Variants in EPM2A observed in about 807,000 individuals in gnomAD.
EPM2A encodes the protein laforin.
In EPM2A, 21 loss-of-function variants were observed where a neutral mutation model predicts 26.5. The observed-to-expected ratio is 0.79, with a 90% CI of 0.56 to 1.14. The LOEUF (loss-of-function observed/expected upper bound fraction) is 1.14, where lower values mean the gene tolerates loss of function less well. Ranked by LOEUF, EPM2A falls within the 50% of genes most tolerant of loss-of-function variation. The probability of loss-of-function intolerance (pLI) is 0.00; values close to 1 mark genes in which losing one functional copy is unlikely to be tolerated. For missense variants in EPM2A, 458 were observed against 440.8 expected (o/e 1.04, Z -0.35); for synonymous variants, 217 against 177.6 (o/e 1.22, Z -1.76).
At chr6:145,558,016 T>C (rs1333416810) in intron 2 of EPM2A, among the ~76,000 whole-genome samples, 2 of 152,136 alleles carry the variant, frequency 1.3e-5, no homozygotes, top group East Asian at 1.9e-4. Context: ...AGTGAGATCA[T>C]GCAGTATTTG....
chr6:145,399,514 C>A (rs1368638967), intron 4 of EPM2A, among the ~76,000 whole-genome samples: 1 of 152,112 alleles, frequency 6.6e-6, no homozygotes, highest in African/African-American at 2.4e-5. Flanking sequence ...TGTAGTAGTT[C>A]CTGGTTATGG....
At chr6:145,603,296 G>A (rs973422690) in intron 2 of EPM2A, among the ~76,000 whole-genome samples, 2 of 148,870 alleles carry the variant, frequency 1.3e-5, no homozygotes, top group African/African-American at 2.5e-5. Flanking sequence ...AAAAAAAACT[G>A]TTAAAGTAAA....
chr6:145,541,124 C>G (rs1375058516), intron 2 of EPM2A, among the ~76,000 whole-genome samples: 4 of 151,522 alleles, frequency 2.6e-5, no homozygotes, highest in African/African-American at 9.7e-5. Flanking sequence ...TGTATGAAAA[C>G]AGTTTAATCA....
At position 145,627,464 on chromosome 6, in the gene EPM2A, A is replaced by G. The variant is rs949836838; in HGVS notation, c.948T>C (p.Asp316=). 5 of 1,614,194 alleles carry G rather than the reference A, an allele frequency of 3.1e-6. No individual in the cohort carries two copies. Among genetic ancestry groups the G allele is most frequent in the South Asian group, 1.1e-5 (1 of 91,088 alleles). Residue 316 remains aspartate (D), a synonymous_variant, in exon 4 of 4, where the codon GAT becomes GAC. Coordinates refer to ENST00000367519, the MANE Select transcript of EPM2A (RefSeq NM_005670.4). ...GAACCTTCCCAAATTTCTGGAAAAA[A>G]TCTTCTTGTGCCCGGGCCAAGGCCT... ...DEEALARAQE[D]FFQKFGKVRS...
chr6:145,691,052 T>C (rs947896242), intron 1 of EPM2A, among the ~76,000 whole-genome samples: 2 of 151,220 alleles, frequency 1.3e-5, no homozygotes, highest in Admixed American at 1.3e-4. Flanking sequence ...ATTGGAGTCT[T>C]GGAAGAAGAG....
At chr6:145,555,874 C>T (rs1780722092) in intron 2 of EPM2A, among the ~76,000 whole-genome samples, 1 of 152,078 alleles carries the variant, frequency 6.6e-6, no homozygotes, top group South Asian at 2.1e-4. Flanking sequence ...TAAGTAGTTC[C>T]CTGACCTTTC....
rs140540200 is a variant in EPM2A, at chr6:145,626,308, A to G, written c.*1108T>C. ...TCTGGAGGCACAGGAACTGCATATT[A>G]TACTAAATTGAGAGCTGAGCCAGGA... On this transcript the variant is annotated 3_prime_UTR_variant, in exon 4 of 4. Transcript: ENST00000367519. 1.3e-3 allele frequency: 1,240 copies of G among 986,368 alleles called. 7 individuals carry two copies. In the Middle Eastern group the frequency reaches 0.018, roughly 14 times the overall value. 61.1% of individuals were successfully genotyped at this position (986,368 alleles called of 1,614,324 possible).
intron 4 of EPM2A, among the ~76,000 whole-genome samples, chr6:145,438,558 C>T (rs1779019277): frequency 6.8e-6 from 1 of 147,868 alleles, no homozygotes; most frequent in Non-Finnish European, 1.5e-5. Flanking sequence ...CCTGCAACCT[C>T]TGCCTCTGGA....
intron 4 of EPM2A, among the ~76,000 whole-genome samples, chr6:145,453,076 G>T (rs915261751): frequency 4.6e-5 from 7 of 152,092 alleles, no homozygotes; most frequent in Non-Finnish European, 8.8e-5. Context: ...TGTTAAAGTT[G>T]TTTTCCAAAG....
chr6:145,719,135 G>T (rs1409051768), intron 1 of EPM2A, among the ~76,000 whole-genome samples: 5 of 151,936 alleles, frequency 3.3e-5, no homozygotes, highest in Non-Finnish European at 7.4e-5. Flanking sequence ...TATACCCAAA[G>T]GATTATAAAT....
intron 1 of EPM2A, chr6:145,705,641 C>T (rs1461569553): frequency 2.2e-6 from 1 of 445,074 alleles, no homozygotes; most frequent in East Asian, 7.0e-5. Flanking sequence ...CTCTTGTTCA[C>T]ATTGTCATCA....
chr6:145,544,395 CT>C (rs2114797728), intron 2 of EPM2A, among the ~76,000 whole-genome samples: 1 of 152,310 alleles, frequency 6.6e-6, no homozygotes, highest in Non-Finnish European at 1.5e-5. Flanking sequence ...AAAAACCATG[CT>C]GCTCTCAGCT....
intron 2 of EPM2A, among the ~76,000 whole-genome samples, chr6:145,520,325 A>G (rs1034067386): frequency 3.9e-5 from 6 of 152,144 alleles, no homozygotes; most frequent in African/African-American, 1.4e-4. Context: ...AGACAATTTC[A>G]GCCTTCACCT....
chr6:145,523,039 G>T (rs1176659906), intron 2 of EPM2A, among the ~76,000 whole-genome samples: 1 of 152,096 alleles, frequency 6.6e-6, no homozygotes, highest in African/African-American at 2.4e-5. Flanking sequence ...TGTCACCAAA[G>T]CATCCTATTC....
At chr6:145,696,305 T>C (rs1212087411) in intron 1 of EPM2A, among the ~76,000 whole-genome samples, 2 of 152,022 alleles carry the variant, frequency 1.3e-5, no homozygotes, top group African/African-American at 4.8e-5. Flanking sequence ...TAACAATAAA[T>C]GCCTATATCA....
chr6:145,437,452 A>C (rs1200185788), intron 4 of EPM2A, among the ~76,000 whole-genome samples: 1 of 152,204 alleles, frequency 6.6e-6, no homozygotes, highest in Non-Finnish European at 1.5e-5. Flanking sequence ...TAGTAAAATA[A>C]ACTGACCAGT....
In EPM2A at chr6:145,433,832, GT is replaced by G. The variant is rs200624858; in HGVS notation, c.556-49736del. ...TACTGTGGTTTTGTTGCTTTAAACA[GT>G]GAATGTATATGTACATTTAACAAAA... On this transcript the variant is annotated intron_variant, in intron 4 of 4. Coordinates refer to the EPM2A transcript ENST00000638717. 6.6e-4 allele frequency among the ~76,000 whole-genome samples: 100 copies of G among 152,232 alleles called. No homozygotes were observed. The East Asian group carries it at 0.018, about 28-fold the overall frequency.
intron 4 of EPM2A, among the ~76,000 whole-genome samples, chr6:145,429,850 C>T (rs992871892): frequency 3.9e-5 from 6 of 152,002 alleles, no homozygotes; most frequent in Non-Finnish European, 8.8e-5. Flanking sequence ...AATCAAATTC[C>T]CTTAAAAAGT....
chr6:145,423,873 A>T (rs1414356324), intron 4 of EPM2A, among the ~76,000 whole-genome samples: 1 of 152,234 alleles, frequency 6.6e-6, no homozygotes, highest in Non-Finnish European at 1.5e-5. Context: ...AGATTCAGGC[A>T]TTAGTATTAC....
Sources: allele counts gnomAD v4.1 joint callset (sites outside exome capture counted in the v4.1 genomes callset), GRCh38; gene constraint gnomAD v4.1.1; transcripts MANE v1.5; gene names NCBI Gene and HGNC (gene_info 2026-07-23, HGNC 2026-07-21).